Variants in ADAMTS5 observed in about 807,000 individuals in gnomAD.
ADAMTS5 encodes ADAM metallopeptidase with thrombospondin type 1 motif 5, also known as A disintegrin and metalloproteinase with thrombospondin motifs 5.
ADAMTS5 carries 54 observed loss-of-function variants against 81.4 expected under a neutral mutation model. The ratio of observed to expected loss-of-function variants is 0.66; its 90% CI spans 0.53 to 0.83. The LOEUF is 0.83. ADAMTS5 is among the 40% of genes least tolerant of loss of function. The pLI is 0.00. For synonymous variants in ADAMTS5, 532 were observed against 508.8 expected, an observed-to-expected ratio of 1.05 and a Z score of -0.61; for missense variants, 1,194 against 1,229.9, an observed-to-expected ratio of 0.97 and a Z score of 0.44.
At chr21:26,952,443 A>G (rs1345163738) in intron 2 of ADAMTS5, among the ~76,000 whole-genome samples, 1 of 152,190 alleles carries the variant, frequency 6.6e-6, no homozygotes, top group Non-Finnish European at 1.5e-5. Flanking sequence ...CTTGTAACCC[A>G]AGATTGCCTT....
rs1415193264 is a variant in ADAMTS5, at chr21:26,934,469, A to C, written c.1686T>G (p.Tyr562Ter). The C allele has an allele frequency of 3.7e-6, 6 of 1,614,154 alleles. No homozygotes were observed. The highest frequency in any genetic ancestry group is 4.2e-6 in the Non-Finnish European group (5 of 1,180,028). Residue 562 changes from tyrosine to a stop codon, truncating the protein, a stop_gained, in exon 4 of 8, where the codon TAT becomes TAG. Coordinates refer to ENST00000284987, the MANE Select transcript of ADAMTS5 (RefSeq NM_007038.5). LOFTEE classifies it high-confidence loss of function. ...GACTGATGAGAAAATCACTTACTGAATAATATTTTTTCTTGGTTTTGTCCA... is the reference window on the plus strand; with the variant it reads ...GACTGATGAGAAAATCACTTACTGACTAATATTTTTTCTTGGTTTTGTCCA... Reference protein sequence around the residue: ...KCVDKTKKKYYSTSSHGNWGS... With the variant: ...KCVDKTKKKY
At position 26,924,095 on chromosome 21, in the gene ADAMTS5, T is replaced by C. The variant is rs1460781818; in HGVS notation, c.2751A>G (p.Gln917=). ...RKLAKGCPLS[Q]RPSAFKQCLL... is the part of the protein sequence containing the mutation. Reference sequence around the variant, plus strand: ...AGCATTGCTTAAACGCAGAAGGCCTTTGGGAGAGAGGACATCCTTTTGCTA... The same window carrying C: ...AGCATTGCTTAAACGCAGAAGGCCTCTGGGAGAGAGGACATCCTTTTGCTA... The change falls in exon 8 of 8, where the codon CAA becomes CAG. Residue 917 remains glutamine, a synonymous_variant. Transcript: ENST00000284987. 7 of 1,609,780 alleles carry C rather than the reference T, an allele frequency of 4.3e-6. No individual in the cohort carries two copies. The highest frequency in any genetic ancestry group is 4.0e-5 in the African/African-American group (3 of 74,874).
intron 1 of ADAMTS5, among the ~76,000 whole-genome samples, chr21:26,956,079 A>G (rs569298364): frequency 6.6e-6 from 1 of 152,286 alleles, no homozygotes; most frequent in South Asian, 2.1e-4. Flanking sequence ...CACATCTTTA[A>G]TATGCTGTAT....
At chr21:26,926,960 C>T (rs1986816349) in intron 7 of ADAMTS5, among the ~76,000 whole-genome samples, 1 of 152,154 alleles carries the variant, frequency 6.6e-6, no homozygotes, top group African/African-American at 2.4e-5. Context: ...AACTGAGTTT[C>T]ACAAGCACTA....
chr21:26,933,162 ATT>A, intron 4 of ADAMTS5, 118 bp from the exon 5 acceptor site: 1 of 1,045,848 alleles, frequency 9.6e-7, no homozygotes. Flanking sequence ...ATACAGTTAT[ATT>A]TTCACTGAAT....
At chr21:26,924,688 A>C (rs921953925) in intron 7 of ADAMTS5, 68 bp from the exon 8 acceptor site, 1 of 1,249,894 alleles carries the variant, frequency 8.0e-7, no homozygotes, top group Non-Finnish European at 1.1e-6. Context: ...AAATGAGTAA[A>C]CACTTAACAA....
Position 26,966,178 on chromosome 21 carries a change from C to G in ADAMTS5, c.214G>C (p.Gly72Arg). The change falls in exon 1 of 8, where the codon GGG becomes CGG. Residue 72 changes from glycine to arginine, a missense_variant. By Grantham distance (125) the Gly-to-Arg change is moderately radical. This residue lies in a region of ADAMTS5 where 498 missense variants were observed against 412.3 expected (regional missense o/e 1.21). Transcript: ENST00000284987. ...AGTTGGTCGATGTTCTGCACCAGCC[C>G]CTTGCTCCTGCGCCGCTGCGCCAGG... ...HPLAQRRRSK[G>R]LVQNIDQLYS... 3 of 1,605,540 alleles carry G rather than the reference C, an allele frequency of 1.9e-6. No homozygotes were observed. The highest frequency in any genetic ancestry group is 2.6e-6 in the Non-Finnish European group (3 of 1,176,018).
rs766155949 is a variant in ADAMTS5 at position 26,965,615 on chromosome 21, C to T, written c.777G>A (p.Arg259=). ...GGCGGGCCCGGGAGATGGAGCGGCG[C>T]CGCCGCCGCCACCACGTCTGCGGTC... The part of the protein sequence containing the change: ...GSGPQTWWRR[R]RRSISRARQV... Residue 259 remains arginine, a synonymous_variant, in exon 1 of 8, where the codon CGG becomes CGA. Coordinates refer to ENST00000284987, the MANE Select transcript of ADAMTS5 (RefSeq NM_007038.5). The T allele has an allele frequency of 1.0e-5, 16 of 1,595,974 alleles. No individual in the cohort carries two copies. The South Asian group carries it at 1.6e-4, about 16-fold the overall frequency.
chr21:26,929,179 C>T (rs1350907705), intron 7 of ADAMTS5, among the ~76,000 whole-genome samples: 3 of 152,122 alleles, frequency 2.0e-5, no homozygotes, highest in African/African-American at 7.2e-5. Context: ...GCACGTACAT[C>T]AAGAATACAG....
intron 2 of ADAMTS5, among the ~76,000 whole-genome samples, chr21:26,949,479 AC>A (rs1431469234): frequency 2.0e-5 from 3 of 152,218 alleles, no homozygotes; most frequent in South Asian, 2.1e-4. Flanking sequence ...ACACCAGCCA[AC>A]AAGCTTTGAT....
intron 2 of ADAMTS5, among the ~76,000 whole-genome samples, chr21:26,951,538 G>A (rs143696586): frequency 1.3e-5 from 2 of 151,732 alleles, no homozygotes; most frequent in Non-Finnish European, 1.5e-5. Flanking sequence ...AATCAGCCAG[G>A]TGTGGTGGTT....
Position 26,920,791 on chromosome 21 carries a change from T to A in ADAMTS5, c.*3262A>T, listed in dbSNP as rs560211145. On this transcript the variant is annotated 3_prime_UTR_variant, in exon 8 of 8. Coordinates refer to ENST00000284987, the MANE Select transcript of ADAMTS5 (RefSeq NM_007038.5). ...CTTGGAAAAAATAGTGTTAATGTGATGTAAAAAACCTATTATCATAGGCAC... is the reference window on the plus strand; with the variant it reads ...CTTGGAAAAAATAGTGTTAATGTGAAGTAAAAAACCTATTATCATAGGCAC... The A allele has an allele frequency of 1.3e-5, 2 of 152,180 alleles. No homozygotes were observed. Among genetic ancestry groups the A allele is most frequent in the South Asian group, 4.1e-4 (2 of 4,822 alleles). The allele number at this position is 152,180 out of a possible 1,614,324, so 9.4% of individuals were successfully genotyped here. A position where few individuals can be genotyped will look rare whatever the true frequency, so the allele number is the denominator to read the frequency against.
chr21:26,925,880 C>T (rs976084528), intron 7 of ADAMTS5, among the ~76,000 whole-genome samples: 1 of 152,232 alleles, frequency 6.6e-6, no homozygotes, highest in Non-Finnish European at 1.5e-5. Flanking sequence ...AGAGATGATG[C>T]AATGCTCAGG....
intron 2 of ADAMTS5, among the ~76,000 whole-genome samples, chr21:26,952,532 C>G (rs1220985802): frequency 6.6e-6 from 1 of 152,178 alleles, no homozygotes; most frequent in East Asian, 1.9e-4. Flanking sequence ...CAAAGCATCC[C>G]TGAAGAAGCT....
intron 3 of ADAMTS5, among the ~76,000 whole-genome samples, chr21:26,937,125 C>T (rs1176133448): frequency 1.3e-5 from 2 of 152,196 alleles, no homozygotes; most frequent in African/African-American, 4.8e-5. Context: ...AAATAACTCA[C>T]CACCTGACTA....
At chr21:26,933,644 G>A (rs929400632) in intron 4 of ADAMTS5, among the ~76,000 whole-genome samples, 1 of 152,190 alleles carries the variant, frequency 6.6e-6, no homozygotes, top group South Asian at 2.1e-4. Context: ...ACACCCCTTA[G>A]GGAAGGAAGA....
chr21:26,961,942 T>C (rs1987536662), intron 1 of ADAMTS5, among the ~76,000 whole-genome samples: 1 of 152,134 alleles, frequency 6.6e-6, no homozygotes, highest in Non-Finnish European at 1.5e-5. Flanking sequence ...AGAAATGCCG[T>C]GTGGGGAGAC....
At position 26,923,971 on chromosome 21, in the gene ADAMTS5, G is replaced by T; in HGVS notation, c.*82C>A. On this transcript the variant is annotated 3_prime_UTR_variant, in exon 8 of 8. Coordinates refer to ENST00000284987, the MANE Select transcript of ADAMTS5 (RefSeq NM_007038.5). ...GTCACTGAAGCATGACTTTCTGTGC[G>T]TTAGGTAGACCTCCTGTTCACCACG... is the stretch of plus-strand genomic sequence containing the variant. The T allele has an allele frequency of 7.2e-7, 1 of 1,388,712 alleles. No homozygotes were observed. Among genetic ancestry groups the T allele is most frequent in the Non-Finnish European group, 9.7e-7 (1 of 1,031,596 alleles). 86.0% of individuals were successfully genotyped at this position (1,388,712 alleles called of 1,614,324 possible).
In ADAMTS5 at chr21:26,965,872, C is replaced by A. The variant is rs1453604809; in HGVS notation, c.520G>T (p.Ala174Ser). 1 of 1,613,592 alleles carries A rather than the reference C, an allele frequency of 6.2e-7. No homozygotes were observed. The highest frequency in any genetic ancestry group is 2.2e-5 in the East Asian group (1 of 44,866). Residue 174 changes from alanine to serine, a missense_variant, in exon 1 of 8, where the codon GCG becomes TCG. By Grantham distance (99) the Ala-to-Ser change is moderately conservative. This residue lies in a region of ADAMTS5 where 498 missense variants were observed against 412.3 expected (regional missense o/e 1.21). Transcript: ENST00000284987. The stretch of plus-strand genomic sequence containing the variant: ...TACACGCGCCCCTTTTCTTCCTCCG[C>A]CCAGGGTCCGCGCAGCAGTGGCTTT... ...TLKPLLRGPW[A>S]EEEKGRVYGD...
Sources: gnomAD v4.1 joint callset for allele counts (sites outside exome capture counted in the v4.1 genomes callset) on GRCh38, gnomAD v4.1.1 for gene constraint, gnomAD v4.1.1 regional missense constraint, MANE v1.5 for transcripts, NCBI Gene and HGNC (gene_info 2026-07-23, HGNC 2026-07-21) for gene names.